STAU1: variants seen among roughly 807,000 people sequenced by gnomAD.
STAU1 encodes the protein staufen double-stranded RNA binding protein 1, also known as double-stranded RNA-binding protein Staufen homolog 1.
Under a neutral mutation model 62.9 loss-of-function variants are expected in STAU1, and 13 were observed. The observed-to-expected ratio is 0.21, with a 90% confidence interval of 0.13 to 0.33. STAU1 has a LOEUF of 0.33. Ranked by LOEUF, STAU1 falls within the 10% of genes least tolerant of loss-of-function variation. STAU1 has a pLI of 1.00. For missense variants in STAU1, 571 were observed against 712.1 expected, an observed-to-expected ratio of 0.80 and a Z score of 2.25; for synonymous variants, 269 against 265.1, an observed-to-expected ratio of 1.01 and a Z score of -0.14.
At chr20:49,159,944 G>A (rs2093423439) in intron 3 of STAU1, among the ~76,000 whole-genome samples, 1 of 152,176 alleles carries the variant, frequency 6.6e-6, no homozygotes, top group African/African-American at 2.4e-5. Context: ...AGTTTTGTGT[G>A]AGTGGTAAAT....
At chr20:49,168,619 T>A (rs1013065957) in intron 2 of STAU1, among the ~76,000 whole-genome samples, 6 of 152,178 alleles carry the variant, frequency 3.9e-5, no homozygotes, top group African/African-American at 1.2e-4. Context: ...CAAACAATAC[T>A]CACAAATTAT....
intron 3 of STAU1, among the ~76,000 whole-genome samples, chr20:49,164,917 C>T (rs1269851940): frequency 2.0e-5 from 3 of 152,134 alleles, no homozygotes; most frequent in African/African-American, 4.8e-5. Context: ...AAATAAATGT[C>T]AATGTACTTT....
Position 49,117,211 on chromosome 20 carries a change from T to C in STAU1, c.1547A>G (p.Glu516Gly). The change falls in exon 12 of 14, where the codon GAA (glutamate) becomes GGA (glycine). Residue 516 changes from glutamate to glycine, a missense_variant. This residue lies in a region of STAU1 where 156 missense variants were observed against 194.7 expected (regional missense o/e 0.80). Transcript: ENST00000371856. This position sits in a 1 kb window ranked among gnomAD's most constrained non-coding sequence, Gnocchi z 4.6. ...GGAGCAATTGATAAGAGATACAAAT[T>C]CGTTCTTGTTGTTTTTGGGGAAGTC... The part of the protein sequence containing the change: ...YKDFPKNNKN[E>G]FVSLINCSSQ... 1 of 1,614,074 alleles carries C rather than the reference T, an allele frequency of 6.2e-7. No individual in the cohort carries two copies. The highest frequency in any genetic ancestry group is 8.5e-7 in the Non-Finnish European group (1 of 1,179,996).
the STAU1 span, among the ~76,000 whole-genome samples, chr20:49,203,607 C>A: frequency 6.6e-6 from 1 of 152,094 alleles, no homozygotes; most frequent in Admixed American, 6.6e-5. Context: ...ATTGAAATAC[C>A]TTTTAGTATT....
At chr20:49,168,012 A>C (rs1568918270) in intron 2 of STAU1, among the ~76,000 whole-genome samples, 1 of 152,096 alleles carries the variant, frequency 6.6e-6, no homozygotes, top group Non-Finnish European at 1.5e-5. Context: ...AAGGGTGTGG[A>C]CCAAGGGATT....
chr20:49,218,346 T>A, the STAU1 span, among the ~76,000 whole-genome samples: 1 of 151,362 alleles, frequency 6.6e-6, no homozygotes, highest in Admixed American at 6.6e-5. Flanking sequence ...TGCCTCAGCC[T>A]CCCGAGTAGC....
the STAU1 span, among the ~76,000 whole-genome samples, chr20:49,217,707 C>T: frequency 7.1e-6 from 1 of 141,834 alleles, no homozygotes; most frequent in South Asian, 2.2e-4. Flanking sequence ...TTAGGCCAGG[C>T]GCAGTGGCTC....
At chr20:49,179,338 T>A (rs1005826830) in intron 1 of STAU1, 1 of 152,198 alleles carries the variant, frequency 6.6e-6, no homozygotes, top group African/African-American at 2.4e-5. Context: ...TTTTTTATGT[T>A]TGGTGCTTGA....
chr20:49,161,927 G>A (rs2093454865), intron 3 of STAU1, among the ~76,000 whole-genome samples: 1 of 152,062 alleles, frequency 6.6e-6, no homozygotes, highest in Non-Finnish European at 1.5e-5. Flanking sequence ...TGAAGTCAGG[G>A]GAGTAACTAA....
intron 13 of STAU1, 145 bp downstream of exon 13, chr20:49,115,636 GA>G (rs1298614487): frequency 2.8e-6 from 2 of 720,510 alleles, no homozygotes; most frequent in African/African-American, 3.5e-5. Flanking sequence ...TTTCTGCCCA[GA>G]GAATCTGGAA....
In STAU1 at chr20:49,175,331, G is replaced by GA. The variant is rs1233347366; in HGVS notation, c.-159-1063dup. ...GGGCCACAGAGTGAGACTCCTCTGGGAAAAAAAAAAAAGACACAATTGCCT... is the reference window on the plus strand; with the variant it reads ...GGGCCACAGAGTGAGACTCCTCTGGGAAAAAAAAAAAAAGACACAATTGCCT... On this transcript the variant is annotated intron_variant, in intron 1 of 13. Coordinates refer to ENST00000371856, the MANE Select transcript of STAU1 (RefSeq NM_017453.4). Among the ~76,000 whole-genome samples, 858 of 142,554 alleles carry GA rather than the reference G, an allele frequency of 6.0e-3. 8 individuals are homozygous for GA. The highest frequency in any genetic ancestry group is 9.2e-3 in the East Asian group (45 of 4,908). 93.5% of individuals were successfully genotyped at this position (142,554 alleles called of 152,430 possible). A position where few individuals can be genotyped will look rare whatever the true frequency, so the allele number is the denominator to read the frequency against.
chr20:49,137,486 C>T (rs899238975), intron 5 of STAU1, among the ~76,000 whole-genome samples: 1 of 152,148 alleles, frequency 6.6e-6, no homozygotes, highest in Admixed American at 6.5e-5. Flanking sequence ...ACAAAAAGAG[C>T]TGTTTTTCTT....
At chr20:49,157,687 C>G (rs974780598) in intron 3 of STAU1, among the ~76,000 whole-genome samples, 1 of 151,922 alleles carries the variant, frequency 6.6e-6, no homozygotes, top group African/African-American at 2.4e-5. Context: ...ACCATGTTGG[C>G]CAGGATGGTC....
chr20:49,129,552 GT>G (rs1386240603), intron 6 of STAU1, among the ~76,000 whole-genome samples: 3 of 150,518 alleles, frequency 2.0e-5, no homozygotes, highest in African/African-American at 7.3e-5. Context: ...TGGAGAGGAT[GT>G]AGAGCAACTA....
Position 49,118,327 on chromosome 20 carries a change from A to G in STAU1, c.1189+6T>C. The stretch of plus-strand genomic sequence containing the variant: ...CAGAGGAAGACGATATTAAGATCAC[A>G]CTTACTAGTCCCATTTTCATCCCCA... On this transcript the variant is annotated splice_donor_region_variant and intron_variant, in intron 10 of 13. Coordinates refer to ENST00000371856, the MANE Select transcript of STAU1 (RefSeq NM_017453.4). 1.2e-6 allele frequency: 2 copies of G among 1,611,434 alleles called. No individual in the cohort carries two copies. Among genetic ancestry groups the G allele is most frequent in the Non-Finnish European group, 1.7e-6 (2 of 1,178,638 alleles).
chr20:49,191,716 A>T (rs1293868735), upstream of STAU1, among the ~76,000 whole-genome samples: 3 of 152,148 alleles, frequency 2.0e-5, no homozygotes, highest in Non-Finnish European at 2.9e-5. Flanking sequence ...CTGCACTCCT[A>T]GGGATATATC....
At chr20:49,193,778 C>T in the STAU1 span, among the ~76,000 whole-genome samples, 1 of 151,734 alleles carries the variant, frequency 6.6e-6, no homozygotes, top group Admixed American at 6.6e-5. Context: ...ACCATCCTGG[C>T]GAACACAGTG....
chr20:49,206,751 A>ATATATATATATATTTT, the STAU1 span, among the ~76,000 whole-genome samples: 1 of 95,040 alleles, frequency 1.1e-5, no homozygotes, highest in African/African-American at 4.3e-5. Context: ...ATATATATAT[A>ATATATATATATATTTT]TTTTATTTTA....
intron 3 of STAU1, among the ~76,000 whole-genome samples, chr20:49,154,968 C>T (rs1253224148): frequency 6.6e-6 from 1 of 152,142 alleles, no homozygotes; most frequent in East Asian, 1.9e-4. Flanking sequence ...TGCCTGTAAT[C>T]CCATCTACTC....
Sources: allele counts gnomAD v4.1 joint callset (sites outside exome capture counted in the v4.1 genomes callset), GRCh38; gene constraint gnomAD v4.1.1; regional missense constraint gnomAD v4.1.1; non-coding constraint Gnocchi (gnomAD v3.1); transcripts MANE v1.5; gene names NCBI Gene and HGNC (gene_info 2026-07-23, HGNC 2026-07-21).